Variants in RERE observed in about 807,000 individuals in gnomAD.
RERE encodes arginine-glutamic acid dipeptide repeats protein.
In RERE, 40 loss-of-function variants were observed where a neutral mutation model predicts 146.1. The observed-to-expected ratio is 0.27, with a 90% CI of 0.21 to 0.36. RERE has a LOEUF of 0.36. RERE is among the 10% of genes least tolerant of loss of function. The probability of loss-of-function intolerance (pLI) is 1.00; values close to 1 mark genes in which losing one functional copy is unlikely to be tolerated. For missense variants in RERE, 1,933 were observed against 2,138.7 expected, an observed-to-expected ratio of 0.90 and a Z score of 1.90; for synonymous variants, 1,003 against 866.0, an observed-to-expected ratio of 1.16 and a Z score of -2.78.
chr1:8,455,689 C>G (rs1292456214), intron 11 of RERE, among the ~76,000 whole-genome samples: 2 of 152,124 alleles, frequency 1.3e-5, no homozygotes, highest in Non-Finnish European at 2.9e-5. Context: ...TCTGTTCCAC[C>G]CACTCAAATG....
At chr1:8,684,378 G>C (rs1639039128) in intron 1 of RERE, among the ~76,000 whole-genome samples, 1 of 151,868 alleles carries the variant, frequency 6.6e-6, no homozygotes. Flanking sequence ...TGTCATAAAA[G>C]AAGAAATAAT....
In RERE at chr1:8,360,900, TG is replaced by T; in HGVS notation, c.2606del (p.Pro869HisfsTer91). 1.3e-6 allele frequency: 2 copies of T among 1,495,312 alleles called. No homozygotes were observed. The highest frequency in any genetic ancestry group is 2.5e-5 in the East Asian group (1 of 40,074). 92.6% of individuals were successfully genotyped at this position (1,495,312 alleles called of 1,614,324 possible). A position where few individuals can be genotyped will look rare whatever the true frequency, so the allele number is the denominator to read the frequency against. ...AGPLLQHPGPPQPFGLPPQAS... is the reference protein window; with the variant it reads ...AGPLLQHPGPXQPFGLPPQAS... Reference sequence around the variant, plus strand: ...CCTGGGGAGGGAGGCCAAAGGGCTGTGGGGGGCCTGGGTGCTGCAGCAGGGG... The same window carrying T: ...CCTGGGGAGGGAGGCCAAAGGGCTGTGGGGGCCTGGGTGCTGCAGCAGGGG... On this transcript the variant is annotated frameshift_variant, in exon 18 of 23. Transcript: ENST00000400908. LOFTEE classifies it high-confidence loss of function.
At chr1:8,765,705 G>A (rs1640832994) in intron 1 of RERE, among the ~76,000 whole-genome samples, 2 of 152,294 alleles carry the variant, frequency 1.3e-5, no homozygotes, top group South Asian at 2.1e-4. Context: ...TGTAATCTCA[G>A]CACTTTGGGA....
chr1:8,630,672 A>G (rs1482421307), intron 2 of RERE, among the ~76,000 whole-genome samples: 1 of 152,172 alleles, frequency 6.6e-6, no homozygotes, highest in Non-Finnish European at 1.5e-5. Context: ...GTGAGCTATG[A>G]TCCAGCCACT....
intron 12 of RERE, among the ~76,000 whole-genome samples, chr1:8,421,084 C>T (rs903594731): frequency 2.6e-5 from 4 of 152,196 alleles, no homozygotes; most frequent in African/African-American, 9.6e-5. Context: ...GCTTAATCTT[C>T]CAATTATGAA....
chr1:8,737,704 A>C (rs1161184182), intron 1 of RERE, among the ~76,000 whole-genome samples: 1 of 151,902 alleles, frequency 6.6e-6, no homozygotes, highest in East Asian at 1.9e-4. Context: ...CCAAAGTGCT[A>C]AGATAACAGG....
At chr1:8,505,147 AGATTTAAGAG>A (rs1237358792) in intron 8 of RERE, among the ~76,000 whole-genome samples, 2 of 152,234 alleles carry the variant, frequency 1.3e-5, no homozygotes, top group African/African-American at 4.8e-5. Flanking sequence ...GAATTAAGAG[AGATTTAAGAG>A]ATGTATCAAC....
chr1:8,586,076 C>T (rs981576508), intron 4 of RERE, among the ~76,000 whole-genome samples: 8 of 152,192 alleles, frequency 5.3e-5, no homozygotes, highest in Non-Finnish European at 8.8e-5. Context: ...AGAGGCACAT[C>T]TTTAACTGTA....
chr1:8,489,809 G>C (rs1186827927), intron 10 of RERE, among the ~76,000 whole-genome samples: 1 of 152,030 alleles, frequency 6.6e-6, no homozygotes, highest in Non-Finnish European at 1.5e-5. Flanking sequence ...TCAGCACTTC[G>C]GGAGGCCCAG....
intron 7 of RERE, among the ~76,000 whole-genome samples, chr1:8,532,506 C>T (rs554729573): frequency 2.0e-5 from 3 of 151,918 alleles, no homozygotes; most frequent in Non-Finnish European, 4.4e-5. Context: ...CTGCAACCTC[C>T]ACCTCCTGGG....
intron 11 of RERE, among the ~76,000 whole-genome samples, chr1:8,453,029 G>C (rs1252661446): frequency 6.6e-6 from 1 of 152,182 alleles, no homozygotes; most frequent in East Asian, 1.9e-4. Context: ...CTAAAAGCAA[G>C]ATAAATCTAC....
intron 4 of RERE, among the ~76,000 whole-genome samples, chr1:8,604,093 G>C (rs1482075956): frequency 6.6e-6 from 1 of 152,190 alleles, no homozygotes; most frequent in Admixed American, 6.5e-5. Context: ...CTTCAAAGGA[G>C]TATGGATTCC....
At chr1:8,807,538 T>C (rs1641713820) in intron 1 of RERE, among the ~76,000 whole-genome samples, 1 of 152,164 alleles carries the variant, frequency 6.6e-6, no homozygotes, top group Admixed American at 6.5e-5. Context: ...GAGGTCTTGC[T>C]CTTTCCCTCA....
intron 7 of RERE, among the ~76,000 whole-genome samples, chr1:8,510,236 A>G (rs1645316326): frequency 1.3e-5 from 2 of 152,116 alleles, no homozygotes; most frequent in Non-Finnish European, 2.9e-5. Flanking sequence ...ACACTTCAAA[A>G]GACACAGTAC....
rs1337375968 is a variant in RERE at position 8,401,038 on chromosome 1, CATA to C, written c.1284+21686_1284+21688del. Among the ~76,000 whole-genome samples the C allele has an allele frequency of 1.8e-3, 104 of 57,488 alleles. 5 individuals are homozygous for C. The highest frequency in any genetic ancestry group is 0.013 in the East Asian group (29 of 2,250). The allele number at this position is 57,488 out of a possible 152,430, so 37.7% of individuals were successfully genotyped here. On this transcript the variant is annotated intron_variant, in intron 12 of 22. Transcript: ENST00000400908. ...GTCTCAAAAAAAAAAAAAAAAAAAC[CATA>C]TATATATATATATATATATATATAT...
chr1:8,666,154 G>A (rs1008804586), intron 1 of RERE, among the ~76,000 whole-genome samples: 1 of 152,184 alleles, frequency 6.6e-6, no homozygotes, highest in African/African-American at 2.4e-5. Context: ...CCAGGCTACT[G>A]AGATGAAAAG....
chr1:8,814,207 C>G (rs1403836385), intron 1 of RERE, among the ~76,000 whole-genome samples: 10 of 152,194 alleles, frequency 6.6e-5, no homozygotes. Context: ...AAGTCACATT[C>G]CTAGAAGCAG....
intron 1 of RERE, among the ~76,000 whole-genome samples, chr1:8,701,188 G>A (rs1362047217): frequency 6.6e-6 from 1 of 151,816 alleles, no homozygotes; most frequent in African/African-American, 2.4e-5. Flanking sequence ...TTACTGATAC[G>A]TTGATGGGGT....
intron 1 of RERE, among the ~76,000 whole-genome samples, chr1:8,757,090 CAAA>C (rs34237128): frequency 1.7e-5 from 1 of 59,490 alleles, no homozygotes; most frequent in Non-Finnish European, 3.4e-5. Flanking sequence ...AACTCCATCT[CAAA>C]AAAAAAAAAA....
Sources: gnomAD v4.1 joint callset for allele counts (sites outside exome capture counted in the v4.1 genomes callset) on GRCh38, gnomAD v4.1.1 for gene constraint, MANE v1.5 for transcripts, NCBI Gene and HGNC (gene_info 2026-07-23, HGNC 2026-07-21) for gene names.